The following GREB1L variants were observed in gnomAD, a reference collection of about 807,000 sequenced individuals.
The protein encoded by GREB1L is GREB1 like retinoic acid receptor coactivator.
Under a neutral mutation model 200.8 loss-of-function variants are expected in GREB1L, and 17 were observed. The observed-to-expected ratio is 0.08, with a 90% CI of 0.06 to 0.13. GREB1L has a LOEUF of 0.13. Among genes scored for constraint, GREB1L ranks in the 10% least tolerant of loss-of-function variants. The probability of loss-of-function intolerance (pLI) is 1.00; values close to 1 mark genes in which losing one functional copy is unlikely to be tolerated. For synonymous variants in GREB1L, 789 were observed against 893.0 expected, an observed-to-expected ratio of 0.88 and a Z score of 2.08; for missense variants, 1,657 against 2,367.7, an observed-to-expected ratio of 0.70 and a Z score of 6.23.
chr18:21,290,256 T>C (rs976726144), intron 1 of GREB1L, among the ~76,000 whole-genome samples: 2 of 152,238 alleles, frequency 1.3e-5, no homozygotes, highest in African/African-American at 4.8e-5. Context: ...CAATGCATGC[T>C]AATGGTAGTA....
intron 7 of GREB1L, among the ~76,000 whole-genome samples, chr18:21,408,207 G>A (rs999037922): frequency 1.3e-5 from 2 of 152,122 alleles, no homozygotes; most frequent in African/African-American, 4.8e-5. Context: ...TTGTATGCAT[G>A]TATCAAAATA....
At chr18:21,370,951 T>C (rs2039849518) in intron 2 of GREB1L, among the ~76,000 whole-genome samples, 1 of 152,082 alleles carries the variant, frequency 6.6e-6, no homozygotes, top group Non-Finnish European at 1.5e-5. Context: ...AGGTGGCACA[T>C]GCCTCTAGTC....
chr18:21,523,278 C>T lies in GREB1L; in HGVS notation c.*457C>T, dbSNP rs2037633999. The T allele has an allele frequency of 6.5e-6, 1 of 152,926 alleles. No individual in the cohort carries two copies. Among genetic ancestry groups the T allele is most frequent in the Admixed American group, 6.5e-5 (1 of 15,326 alleles). 9.5% of individuals were successfully genotyped at this position (152,926 alleles called of 1,614,324 possible). On this transcript the variant is annotated 3_prime_UTR_variant, in exon 33 of 33. Transcript: ENST00000424526. ...CCCTCAGTTTCTCTTCAGATCTGTACTTTGGTACAGTATTACTCAGGGGTT... is the reference window on the plus strand; with the variant it reads ...CCCTCAGTTTCTCTTCAGATCTGTATTTTGGTACAGTATTACTCAGGGGTT...
In GREB1L at chr18:21,514,191, C is replaced by A. The variant is rs1342015901; in HGVS notation, c.4901+205C>A. Among the ~76,000 whole-genome samples the A allele has an allele frequency of 2.6e-5, 4 of 152,266 alleles. No individual in the cohort carries two copies. In the East Asian group the frequency reaches 7.7e-4, roughly 29 times the overall value. On this transcript the variant is annotated intron_variant, in intron 28 of 32. Transcript: ENST00000424526. The stretch of plus-strand genomic sequence containing the variant: ...TTCAGTAGCCCATTAAATTCCTGGA[C>A]CATTCTGGGATCACAGCGTTGGTTA...
intron 1 of GREB1L, among the ~76,000 whole-genome samples, chr18:21,247,417 G>T (rs759069328): frequency 3.9e-5 from 6 of 152,122 alleles, no homozygotes; most frequent in Non-Finnish European, 5.9e-5. Context: ...AATGTTTGTT[G>T]CTGTGAACTA....
chr18:21,321,682 T>C (rs2038953565), intron 1 of GREB1L, among the ~76,000 whole-genome samples: 1 of 152,120 alleles, frequency 6.6e-6, no homozygotes, highest in African/African-American at 2.4e-5. Flanking sequence ...AGTGAGACTA[T>C]GTCTCAAAAA....
chr18:21,328,311 C>G (rs1036684123), intron 1 of GREB1L, among the ~76,000 whole-genome samples: 18 of 152,282 alleles, frequency 1.2e-4, no homozygotes, highest in African/African-American at 4.3e-4. Context: ...TCCTCAGCAT[C>G]TGTCCCAATG....
intron 17 of GREB1L, among the ~76,000 whole-genome samples, chr18:21,484,938 C>T (rs1025826026): frequency 6.6e-6 from 1 of 152,142 alleles, no homozygotes; most frequent in Non-Finnish European, 1.5e-5. Flanking sequence ...CAAACAAAAA[C>T]AGATTCATGA....
intron 1 of GREB1L, among the ~76,000 whole-genome samples, chr18:21,322,916 G>A (rs2038971288): frequency 6.6e-6 from 1 of 151,986 alleles, no homozygotes; most frequent in African/African-American, 2.4e-5. Flanking sequence ...TAGTAAACAT[G>A]GGATTTTTTT....
chr18:21,391,439 A>G (rs553119621), intron 4 of GREB1L, among the ~76,000 whole-genome samples: 1 of 152,382 alleles, frequency 6.6e-6, no homozygotes, highest in East Asian at 1.9e-4. Flanking sequence ...TGTTCACACA[A>G]CAAAATCGCC....
In GREB1L at chr18:21,524,170, CTTGT is replaced by C. The variant is rs1307025652; in HGVS notation, c.*1354_*1357del. The C allele has an allele frequency of 6.6e-6, 1 of 152,138 alleles. No individual in the cohort carries two copies. Among genetic ancestry groups the C allele is most frequent in the Non-Finnish European group, 1.5e-5 (1 of 68,004 alleles). 9.4% of individuals were successfully genotyped at this position (152,138 alleles called of 1,614,324 possible). The stretch of plus-strand genomic sequence containing the variant: ...AATGGCCATTTTTACTTGAATCAAT[CTTGT>C]TTGTGACCTGAAACTACTGAGGGGC... On this transcript the variant is annotated 3_prime_UTR_variant, in exon 33 of 33. Transcript: ENST00000424526.
chr18:21,315,049 G>T (rs187813914), intron 1 of GREB1L, among the ~76,000 whole-genome samples: 65 of 152,274 alleles, frequency 4.3e-4, no homozygotes, highest in African/African-American at 1.5e-3. Flanking sequence ...CATTCAGTAA[G>T]ATCTGCTTAT....
intron 1 of GREB1L, among the ~76,000 whole-genome samples, chr18:21,359,727 A>T (rs2039555995): frequency 6.6e-6 from 1 of 152,220 alleles, no homozygotes; most frequent in Non-Finnish European, 1.5e-5. Context: ...TATTGCACTG[A>T]ATAAATACTT....
At chr18:21,510,296 G>C (rs1319535218) in intron 27 of GREB1L, among the ~76,000 whole-genome samples, 1 of 151,292 alleles carries the variant, frequency 6.6e-6, no homozygotes, top group African/African-American at 2.4e-5. Flanking sequence ...ATTGTTTTAA[G>C]ACTGATTTCC....
chr18:21,336,290 A>G (rs1222237992), intron 1 of GREB1L, among the ~76,000 whole-genome samples: 2 of 152,132 alleles, frequency 1.3e-5, no homozygotes, highest in African/African-American at 4.8e-5. Flanking sequence ...AATAAACTTT[A>G]CTTCTTCACA....
chr18:21,514,121 T>G (rs748899905), intron 28 of GREB1L, 135 bp downstream of exon 28: 84 of 738,308 alleles, frequency 1.1e-4, no homozygotes, highest in Non-Finnish European at 1.7e-4. Flanking sequence ...GAGACCACCC[T>G]CACTAGAACA....
chr18:21,476,746 AT>A (rs59564255), intron 16 of GREB1L, among the ~76,000 whole-genome samples: 45,377 of 144,510 alleles, frequency 0.31, 9,168 homozygotes, highest in African/African-American at 0.55. Context: ...TTTTTTTTGT[AT>A]TTTTTTTTTT....
chr18:21,458,335 C>T (rs533487566), intron 15 of GREB1L, among the ~76,000 whole-genome samples: 1 of 152,212 alleles, frequency 6.6e-6, no homozygotes, highest in African/African-American at 2.4e-5. Flanking sequence ...GGGCCTGGCA[C>T]CAGCAGGTGC....
intron 1 of GREB1L, among the ~76,000 whole-genome samples, chr18:21,319,078 G>A (rs1254872801): frequency 6.6e-6 from 1 of 152,226 alleles, no homozygotes; most frequent in Non-Finnish European, 1.5e-5. Flanking sequence ...AGAAAACCTA[G>A]ATGTGGAAGA....
Sources: allele counts gnomAD v4.1 joint callset (sites outside exome capture counted in the v4.1 genomes callset), GRCh38; gene constraint gnomAD v4.1.1; transcripts MANE v1.5; gene names NCBI Gene and HGNC (gene_info 2026-07-23, HGNC 2026-07-21).